The following RNF144A variants were observed in gnomAD, a reference collection of about 807,000 sequenced individuals.
The protein encoded by RNF144A is ring finger protein 144A, also known as E3 ubiquitin-protein ligase RNF144A.
RNF144A carries 11 observed loss-of-function variants against 38.7 expected under a neutral mutation model. That is an observed-to-expected ratio of 0.28 (90% CI 0.18 to 0.47). The LOEUF is 0.47. RNF144A is among the 20% of genes least tolerant of loss of function. The probability of loss-of-function intolerance (pLI) is 0.99; values close to 1 mark genes in which losing one functional copy is unlikely to be tolerated. For missense variants in RNF144A, 316 were observed against 377.2 expected (o/e 0.84, Z 1.34); for synonymous variants, 149 against 143.9 (o/e 1.04, Z -0.25).
intron 3 of RNF144A, among the ~76,000 whole-genome samples, chr2:7,011,093 CAG>C (rs35566002): frequency 0.27 from 40,644 of 151,930 alleles, 6,682 homozygotes; most frequent in Admixed American, 0.36. Context: ...ATGAGGTAAA[CAG>C]AAAATATGTA....
At chr2:6,956,935 T>C (rs1377577855) in intron 2 of RNF144A, among the ~76,000 whole-genome samples, 1 of 152,242 alleles carries the variant, frequency 6.6e-6, no homozygotes, top group Non-Finnish European at 1.5e-5. Context: ...AAATGCTCTC[T>C]GTTGAAAACT....
chr2:6,974,854 A>G (rs1668210867), intron 2 of RNF144A, among the ~76,000 whole-genome samples: 1 of 152,174 alleles, frequency 6.6e-6, no homozygotes, highest in Non-Finnish European at 1.5e-5. Flanking sequence ...TTAAAATATT[A>G]TTTGGAATTT....
At chr2:7,035,206 C>T (rs1460834320) in intron 8 of RNF144A, among the ~76,000 whole-genome samples, 3 of 152,154 alleles carry the variant, frequency 2.0e-5, no homozygotes, top group Admixed American at 2.0e-4. Flanking sequence ...ATATCCCTCC[C>T]ATCCATTTTT....
intron 2 of RNF144A, among the ~76,000 whole-genome samples, chr2:6,972,869 C>T (rs1292526883): frequency 2.6e-5 from 4 of 152,200 alleles, no homozygotes; most frequent in African/African-American, 9.7e-5. Flanking sequence ...TGCCCTCTAA[C>T]AGTGGGGGTA....
downstream of RNF144A, among the ~76,000 whole-genome samples, chr2:7,047,653 A>C (rs1364200605): frequency 6.6e-6 from 1 of 152,202 alleles, no homozygotes; most frequent in Non-Finnish European, 1.5e-5. Context: ...CAAACCAGTC[A>C]CTTGGGATGG....
chr2:6,948,366 T>C (rs1424636539), intron 2 of RNF144A, among the ~76,000 whole-genome samples: 2 of 152,258 alleles, frequency 1.3e-5, no homozygotes, highest in Non-Finnish European at 2.9e-5. Context: ...TAGGGACACA[T>C]GAAATACCTC....
At chr2:7,075,866 A>G in the RNF144A span, among the ~76,000 whole-genome samples, 1 of 152,316 alleles carries the variant, frequency 6.6e-6, no homozygotes, top group East Asian at 1.9e-4. Flanking sequence ...CATGTGAAAC[A>G]GGTCATATTG....
At chr2:6,920,485 T>A (rs1004300174) in intron 1 of RNF144A, among the ~76,000 whole-genome samples, 3 of 152,182 alleles carry the variant, frequency 2.0e-5, no homozygotes, top group African/African-American at 7.2e-5. Context: ...GAAGCCGTGC[T>A]CGCTGCCCTG....
intron 2 of RNF144A, among the ~76,000 whole-genome samples, chr2:6,976,279 T>C (rs764856386): frequency 1.3e-5 from 2 of 152,230 alleles, no homozygotes; most frequent in Non-Finnish European, 2.9e-5. Flanking sequence ...TTGCGAAATA[T>C]TTGAATTTTT....
intron 3 of RNF144A, among the ~76,000 whole-genome samples, chr2:7,005,439 T>C (rs1184510307): frequency 2.0e-5 from 3 of 152,080 alleles, no homozygotes; most frequent in African/African-American, 7.2e-5. Flanking sequence ...TTAGTCTTGG[T>C]TTTTCGATGG....
At chr2:7,061,300 C>G (rs1175090543) in intron 6 of RNF144A, among the ~76,000 whole-genome samples, 1 of 152,198 alleles carries the variant, frequency 6.6e-6, no homozygotes, top group African/African-American at 2.4e-5. Flanking sequence ...TTCTGACTTC[C>G]AATGTCAGCA....
intron 8 of RNF144A, among the ~76,000 whole-genome samples, chr2:7,034,098 G>A (rs758988067): frequency 5.9e-5 from 9 of 152,070 alleles, no homozygotes; most frequent in Non-Finnish European, 8.8e-5. Flanking sequence ...GAGCTTGTTC[G>A]TCCCCATTCA....
At chr2:6,964,396 G>T (rs1459214758) in intron 2 of RNF144A, among the ~76,000 whole-genome samples, 1 of 152,210 alleles carries the variant, frequency 6.6e-6, no homozygotes, top group Non-Finnish European at 1.5e-5. Flanking sequence ...TTCAACCCTT[G>T]TGGAAGTCAG....
At chr2:6,976,058 C>A (rs1224731079) in intron 2 of RNF144A, among the ~76,000 whole-genome samples, 1 of 152,174 alleles carries the variant, frequency 6.6e-6, no homozygotes, top group African/African-American at 2.4e-5. Flanking sequence ...TTGAGTTATT[C>A]CCAGTCTTCT....
At chr2:6,963,682 T>C (rs971913483) in intron 2 of RNF144A, among the ~76,000 whole-genome samples, 1 of 152,210 alleles carries the variant, frequency 6.6e-6, no homozygotes, top group African/African-American at 2.4e-5. Context: ...CTTTTCCACT[T>C]TCTTCTCTCC....
At chr2:6,966,874 G>T (rs1313896224) in intron 2 of RNF144A, among the ~76,000 whole-genome samples, 5 of 152,128 alleles carry the variant, frequency 3.3e-5, no homozygotes, top group Non-Finnish European at 7.3e-5. Flanking sequence ...CCAGGTCTCT[G>T]GTTATATATA....
At chr2:6,969,725 T>G (rs1474999822) in intron 2 of RNF144A, among the ~76,000 whole-genome samples, 1 of 152,186 alleles carries the variant, frequency 6.6e-6, no homozygotes, top group Non-Finnish European at 1.5e-5. Context: ...CAAAATACAG[T>G]CAGTCTTCCT....
intron 1 of RNF144A, among the ~76,000 whole-genome samples, chr2:6,921,601 A>G (rs1664544285): frequency 6.6e-6 from 1 of 152,198 alleles, no homozygotes; most frequent in South Asian, 2.1e-4. Context: ...AGAGGCCTGC[A>G]GATAAGGATA....
At chr2:6,988,740 C>A (rs1282104183) in intron 2 of RNF144A, among the ~76,000 whole-genome samples, 1 of 152,154 alleles carries the variant, frequency 6.6e-6, no homozygotes, top group East Asian at 1.9e-4. Context: ...GGAAGGAAGT[C>A]ATTCTCTACA....
Sources: gnomAD v4.1 joint callset for allele counts (sites outside exome capture counted in the v4.1 genomes callset) on GRCh38, gnomAD v4.1.1 for gene constraint, MANE v1.5 for transcripts, NCBI Gene and HGNC (gene_info 2026-07-23, HGNC 2026-07-21) for gene names.